Variants in LAMA3 observed in about 807,000 individuals in gnomAD.
LAMA3 encodes the protein laminin subunit alpha-3.
In LAMA3, 281 loss-of-function variants were observed where a neutral mutation model predicts 402.0. That is an observed-to-expected ratio of 0.70 (90% CI 0.63 to 0.77). LAMA3 has a LOEUF of 0.77. LAMA3 is among the 30% of genes least tolerant of loss of function. The probability of loss-of-function intolerance (pLI) is 0.00; values close to 1 mark genes in which losing one functional copy is unlikely to be tolerated. For missense variants in LAMA3, 3,840 were observed against 4,215.5 expected (o/e 0.91, Z 2.47); for synonymous variants, 1,431 against 1,558.4 (o/e 0.92, Z 1.93).
At chr18:23,744,831 CAA>C (rs755527455) in intron 2 of LAMA3, among the ~76,000 whole-genome samples, 66 of 31,084 alleles carry the variant, frequency 2.1e-3, no homozygotes, top group Middle Eastern at 0.015. Flanking sequence ...GACTCTGTCT[CAA>C]AAAAAAAAAA....
intron 42 of LAMA3, among the ~76,000 whole-genome samples, chr18:23,892,862 C>T (rs574517049): frequency 1.1e-4 from 16 of 141,346 alleles, no homozygotes; most frequent in African/African-American, 4.4e-4. Context: ...GAGATAGCAC[C>T]ACTGCACTCC....
intron 36 of LAMA3, among the ~76,000 whole-genome samples, chr18:23,865,515 C>G (rs1184053362): frequency 1.3e-5 from 2 of 152,142 alleles, no homozygotes; most frequent in Non-Finnish European, 2.9e-5. Flanking sequence ...GGGGCAAGAT[C>G]ATATTGTTGG....
At chr18:23,896,106 C>T (rs1007532335) in intron 44 of LAMA3, among the ~76,000 whole-genome samples, 1 of 152,114 alleles carries the variant, frequency 6.6e-6, no homozygotes. Context: ...GAGGCCGAGG[C>T]GGGTAGATCA....
intron 68 of LAMA3, 77 bp downstream of exon 68, chr18:23,939,463 C>T (rs2082421962): frequency 7.1e-7 from 1 of 1,411,366 alleles, no homozygotes; most frequent in African/African-American, 1.4e-5. Flanking sequence ...GTCTGACTGC[C>T]ATGACACCAT....
intron 67 of LAMA3, among the ~76,000 whole-genome samples, chr18:23,937,883 C>G (rs1347042785): frequency 6.6e-6 from 1 of 152,160 alleles, no homozygotes; most frequent in Non-Finnish European, 1.5e-5. Flanking sequence ...GGAAATGGGT[C>G]AGGGAAGAAA....
At chr18:23,748,191 G>T in intron 3 of LAMA3, 131 bp downstream of exon 3, 2 of 711,448 alleles carry the variant, frequency 2.8e-6, no homozygotes, top group Non-Finnish European at 5.1e-6. Context: ...CATTTTGGAA[G>T]GCCAAGGCGG....
chr18:23,747,307 A>T (rs1347796775), intron 2 of LAMA3, among the ~76,000 whole-genome samples: 1 of 152,156 alleles, frequency 6.6e-6, no homozygotes. Flanking sequence ...GTGGGAGGTG[A>T]AGAAAGAAGG....
Position 23,726,865 on chromosome 18 carries a change from G to T in LAMA3, c.447+12793G>T, listed in dbSNP as rs141342356. ...GCTCCCGGCCTCAAGTGATCTGCCT[G>T]CCTCGGCCTCTGAAAGTGCTAGGAT... On this transcript the variant is annotated intron_variant, in intron 2 of 74. Transcript: ENST00000313654. 2.4e-3 allele frequency among the ~76,000 whole-genome samples: 369 copies of T among 152,308 alleles called. 1 individual carries two copies. Among genetic ancestry groups the T allele is most frequent in the South Asian group, 8.1e-3 (39 of 4,826 alleles).
chr18:23,935,412 A>AT (rs1425011174), intron 67 of LAMA3, among the ~76,000 whole-genome samples: 1 of 152,238 alleles, frequency 6.6e-6, no homozygotes, highest in East Asian at 1.9e-4. Flanking sequence ...GACTGGGGCT[A>AT]TTAATGTGGA....
chr18:23,885,271 A>G, intron 41 of LAMA3, among the ~76,000 whole-genome samples: 1 of 151,436 alleles, frequency 6.6e-6, no homozygotes, highest in East Asian at 1.9e-4. Context: ...CACATGTACA[A>G]CTGTCTACAC....
In LAMA3 at chr18:23,763,420, G is replaced by A. The variant is rs748304720; in HGVS notation, c.1079G>A (p.Gly360Asp). ...TTTTTTTCAGCATGCAACTGCCACG[G>A]CCATGCCAGCAACTGTTACTATGAT... ...SHECEACNCH[G>D]HASNCYYDPD... Residue 360 changes from glycine (G) to aspartate (D), a missense_variant, in exon 8 of 75, where the codon GGC (glycine) becomes GAC (aspartate). By Grantham distance (94) the Gly-to-Asp change is moderately conservative. Around this residue, in one of 3 missense-constraint regions of LAMA3, gnomAD observed 2,109 missense variants for 2,376.0 expected, o/e 0.89. Transcript: ENST00000313654. The A allele has an allele frequency of 1.8e-5, 29 of 1,612,706 alleles. No individual in the cohort carries two copies. The highest frequency in any genetic ancestry group is 2.5e-5 in the Non-Finnish European group (29 of 1,178,894).
At chr18:23,778,944 G>A (rs957272619) in intron 11 of LAMA3, among the ~76,000 whole-genome samples, 2 of 152,190 alleles carry the variant, frequency 1.3e-5, no homozygotes, top group African/African-American at 4.8e-5. Context: ...AGGAGGTTAG[G>A]GAATGTGAGG....
intron 11 of LAMA3, among the ~76,000 whole-genome samples, chr18:23,782,802 T>G (rs2062463081): frequency 3.3e-5 from 5 of 151,880 alleles, no homozygotes; most frequent in Admixed American, 3.3e-4. Flanking sequence ...CATCTTTTTT[T>G]TTTTTTTTTC....
At chr18:23,724,580 A>G (rs1025909614) in intron 2 of LAMA3, among the ~76,000 whole-genome samples, 1 of 152,228 alleles carries the variant, frequency 6.6e-6, no homozygotes, top group African/African-American at 2.4e-5. Context: ...AGAATCAGAA[A>G]AATACTCAGT....
chr18:23,821,560 A>G (rs2144396763), intron 19 of LAMA3, among the ~76,000 whole-genome samples: 1 of 152,330 alleles, frequency 6.6e-6, no homozygotes. Flanking sequence ...TCAGAATTAA[A>G]ATAGTCTACT....
chr18:23,890,220 T>C (rs1599015602), intron 42 of LAMA3, 103 bp downstream of exon 42: 1 of 791,676 alleles, frequency 1.3e-6, no homozygotes. Flanking sequence ...AATACACAAT[T>C]CCAGCCAGCA....
intron 73 of LAMA3, 53 bp from the exon 74 acceptor site, chr18:23,952,937 C>T: frequency 1.2e-6 from 2 of 1,612,064 alleles, no homozygotes; most frequent in Non-Finnish European, 1.7e-6. Context: ...ATGGTGTAGA[C>T]ATTAAGCAGG....
rs1283776303 is a variant in LAMA3, at chr18:23,820,002, G to C, written c.2304+5G>C. On this transcript the variant is annotated splice_donor_5th_base_variant and intron_variant, in intron 19 of 74. Transcript: ENST00000313654. ...GCCCAAATGACCTCAGTACAGGTAC[G>C]CAACCCGAAGAGAGCAGCTTCATGG... 6.2e-7 allele frequency: 1 copy of C among 1,613,888 alleles called. No homozygotes were observed. The highest frequency in any genetic ancestry group is 1.7e-5 in the Admixed American group (1 of 60,018).
At chr18:23,950,223 C>G (rs1394447233) in intron 72 of LAMA3, 64 bp downstream of exon 72, 1 of 1,597,680 alleles carries the variant, frequency 6.3e-7, no homozygotes, top group African/African-American at 1.3e-5. Flanking sequence ...CTGGAGGCCA[C>G]AGCGGGTCAG....
Sources: allele counts gnomAD v4.1 joint callset (sites outside exome capture counted in the v4.1 genomes callset), GRCh38; gene constraint gnomAD v4.1.1; regional missense constraint gnomAD v4.1.1; transcripts MANE v1.5; gene names NCBI Gene and HGNC (gene_info 2026-07-23, HGNC 2026-07-21).